Variants in RBCK1 observed in about 807,000 individuals in gnomAD.
RBCK1 encodes the protein RANBP2-type and C3HC4-type zinc finger containing 1, also known as ranBP-type and C3HC4-type zinc finger-containing protein 1.
A neutral mutation model predicts 71.1 loss-of-function variants in RBCK1; 44 were observed. The observed-to-expected ratio is 0.62, with a 90% CI of 0.49 to 0.80. The LOEUF (loss-of-function observed/expected upper bound fraction) is 0.80, where lower values mean the gene tolerates loss of function less well. Ranked by LOEUF, RBCK1 falls within the 30% of genes least tolerant of loss-of-function variation. The pLI is 0.00. For missense variants in RBCK1, 569 were observed against 685.0 expected (o/e 0.83, Z 1.89); for synonymous variants, 306 against 279.7 (o/e 1.09, Z -0.94).
intron 8 of RBCK1, 72 bp from the exon 9 acceptor site, chr20:427,241 G>A: frequency 6.8e-7 from 1 of 1,475,854 alleles, no homozygotes; most frequent in Non-Finnish European, 9.3e-7. Flanking sequence ...CTTTCTGGAG[G>A]GTATTTAGTG....
chr20:430,258 C>T lies in RBCK1; in HGVS notation c.1453-92C>T. On this transcript the variant is annotated intron_variant, in intron 11 of 11. Transcript: ENST00000356286. This position sits in a 1 kb window ranked among gnomAD's most constrained non-coding sequence, Gnocchi z 5.6. ...CAGGCCATTCTTGCAGGAGGACCTG[C>T]AGAGGCAAAGGCCCGGGGTGGGAGA... 3 of 1,161,510 alleles carry T rather than the reference C, an allele frequency of 2.6e-6. No individual in the cohort carries two copies. The highest frequency in any genetic ancestry group is 3.8e-6 in the Non-Finnish European group (3 of 789,524). 72.0% of individuals were successfully genotyped at this position (1,161,510 alleles called of 1,614,324 possible).
intron 6 of RBCK1, chr20:420,120 G>A (rs2016293338): frequency 1.0e-6 from 1 of 984,638 alleles, no homozygotes; most frequent in South Asian, 4.7e-5. Flanking sequence ...ACCCGTCTGT[G>A]ACCTAAGCCT....
Position 420,989 on chromosome 20 carries a change from G to T in RBCK1, c.875G>T (p.Gly292Val), listed in dbSNP as rs1409610178. 39 of 1,564,922 alleles carry T rather than the reference G, an allele frequency of 2.5e-5. No homozygotes were observed. Among genetic ancestry groups the T allele is most frequent in the Non-Finnish European group, 3.1e-5 (36 of 1,156,060 alleles). ...CPVCYSVLAPGEAVVLRECLH... is the reference protein window; with the variant it reads ...CPVCYSVLAPVEAVVLRECLH... ...GTGTGCTACTCGGTGCTGGCGCCCG[G>T]CGAGGCCGTGGTGCTGCGTGAGTGT... The change falls in exon 7 of 12, where the codon GGC (glycine) becomes GTC (valine). Residue 292 changes from glycine to valine, a missense_variant. Gly to Val is a moderately radical substitution (Grantham distance 109). Coordinates refer to ENST00000356286, the MANE Select transcript of RBCK1 (RefSeq NM_031229.4).
chr20:419,585 T>G lies in RBCK1; in HGVS notation c.610T>G (p.Phe204Val). The change falls in exon 6 of 12, where the codon TTC becomes GTC. Residue 204 changes from phenylalanine (F) to valine (V), a missense_variant. This residue lies in a region of RBCK1 where 358 missense variants were observed against 375.6 expected (regional missense o/e 0.95). Transcript: ENST00000356286. ...PVGWQCPGCT[F>V]INKPTRPGCE... ...GGGCTGGCAGTGCCCCGGGTGCACC[T>G]TCATCAACAAGCCCACGCGGCCTGG... 6.2e-7 allele frequency: 1 copy of G among 1,604,722 alleles called. No homozygotes were observed. Among genetic ancestry groups the G allele is most frequent in the Non-Finnish European group, 8.5e-7 (1 of 1,176,346 alleles).
chr20:426,774 AT>A (rs1446234457), intron 8 of RBCK1, among the ~76,000 whole-genome samples: 2 of 145,372 alleles, frequency 1.4e-5, no homozygotes, highest in African/African-American at 5.1e-5. Context: ...ACTTTTAGAA[AT>A]TCCCCCCACT....
In RBCK1 at chr20:419,864, ACCCTGCACCTGGCTGTG is replaced by A. The variant is rs1225600986; in HGVS notation, c.756+134_756+150del. 0.14 allele frequency: 56,271 copies of A among 411,086 alleles called. 1,409 individuals carry two copies. Among genetic ancestry groups the A allele is most frequent in the African/African-American group, 0.39 (7,552 of 19,270 alleles). 25.5% of individuals were successfully genotyped at this position (411,086 alleles called of 1,614,324 possible). On this transcript the variant is annotated intron_variant, in intron 6 of 11. Transcript: ENST00000356286. ...CCTCCCAACCATGCTGCTGGCAGTG[ACCCTGCACCTGGCTGTG>A]ACCCTGCACCTGGCTGTGACCTGCC...
At chr20:419,248 A>AG (rs2016212295) in intron 4 of RBCK1, 99 bp from the exon 5 acceptor site, 1 of 1,507,206 alleles carries the variant, frequency 6.6e-7, no homozygotes, top group South Asian at 1.2e-5. Flanking sequence ...GGGAGAGGAT[A>AG]GGGGGAGGGT....
At chr20:410,349 C>T in intron 2 of RBCK1, 2 of 753,446 alleles carry the variant, frequency 2.7e-6, no homozygotes, top group African/African-American at 1.7e-5. Context: ...TAGGGAGGTT[C>T]TGCTCCCGAC....
chr20:422,254 G>A lies in RBCK1; in HGVS notation c.1029+16G>A, dbSNP rs1485626270. The A allele has an allele frequency of 1.2e-6, 2 of 1,605,900 alleles. No homozygotes were observed. Among genetic ancestry groups the A allele is most frequent in the South Asian group, 1.1e-5 (1 of 90,924 alleles). On this transcript the variant is annotated intron_variant, in intron 8 of 11. Coordinates refer to ENST00000356286, the MANE Select transcript of RBCK1 (RefSeq NM_031229.4). The surrounding 1 kb of genome is among the most constrained non-coding windows in gnomAD (Gnocchi z 5.0). Reference sequence around the variant, plus strand: ...GATCAAGGCGGTAAGGCCTCAGGGTGGGAGACATACCCCAAGTCCCAACTC... The same window carrying A: ...GATCAAGGCGGTAAGGCCTCAGGGTAGGAGACATACCCCAAGTCCCAACTC...
intron 4 of RBCK1, among the ~76,000 whole-genome samples, chr20:418,612 C>T (rs1483262006): frequency 1.3e-5 from 2 of 152,200 alleles, no homozygotes; most frequent in African/African-American, 2.4e-5. Context: ...TTGTGATCCG[C>T]CCGCCTCGGC....
rs1420132052 is a variant in RBCK1 at position 417,806 on chromosome 20, G to C, written c.336G>C (p.Glu112Asp). 6.2e-7 allele frequency: 1 copy of C among 1,613,968 alleles called. No homozygotes were observed. Among genetic ancestry groups the C allele is most frequent in the African/African-American group, 1.3e-5 (1 of 74,940 alleles). Residue 112 changes from glutamate to aspartate, a missense_variant, in exon 4 of 12, where the codon GAG (glutamate) becomes GAC (aspartate). Glu to Asp is a conservative substitution (Grantham distance 45). Coordinates refer to ENST00000356286, the MANE Select transcript of RBCK1 (RefSeq NM_031229.4). The surrounding 1 kb of genome is among the most constrained non-coding windows in gnomAD (Gnocchi z 4.7). ...GGCAGCGGCTGGCACGAGACCAGGA[G>C]ACCCTGCACTCCCATGGGGTGCGGC... ...VIGQRLARDQ[E>D]TLHSHGVRQN...
At position 431,182 on chromosome 20, in the gene RBCK1, C is replaced by T. The variant is rs917881104; in HGVS notation, c.*752C>T. Among the ~76,000 whole-genome samples the T allele has an allele frequency of 6.6e-6, 1 of 152,170 alleles. No individual in the cohort carries two copies. The highest frequency in any genetic ancestry group is 2.4e-5 in the African/African-American group (1 of 41,440). On this transcript the variant is annotated 3_prime_UTR_variant, in exon 12 of 12. Coordinates refer to ENST00000356286, the MANE Select transcript of RBCK1 (RefSeq NM_031229.4). This position sits in a 1 kb window ranked among gnomAD's most constrained non-coding sequence, Gnocchi z 4.8. ...AAGGATGCTCTTGGGTCACCGTCAG[C>T]CAGGACAGGTGGAGTGTGCAGTGTG...
chr20:413,917 C>CAAA (rs10706664), intron 2 of RBCK1, among the ~76,000 whole-genome samples: 68 of 114,628 alleles, frequency 5.9e-4, no homozygotes, highest in African/African-American at 2.0e-3. Flanking sequence ...GACAAATCAC[C>CAAA]AAAAAAAAAA....
Position 427,447 on chromosome 20 carries a change from G to T in RBCK1, c.1164G>T (p.Glu388Asp). ...GCTTCTTTGAGGATGATGTCAATGAGTTCACCTGCCCTGTGTGTTTCCACG... is the reference window on the plus strand; with the variant it reads ...GCTTCTTTGAGGATGATGTCAATGATTTCACCTGCCCTGTGTGTTTCCACG... ...GWCFFEDDVN[E>D]FTCPVCFHVN... The change falls in exon 9 of 12, where the codon GAG (glutamate) becomes GAT (aspartate). Residue 388 changes from glutamate to aspartate, a missense_variant. Coordinates refer to ENST00000356286, the MANE Select transcript of RBCK1 (RefSeq NM_031229.4). The T allele has an allele frequency of 1.2e-6, 2 of 1,614,070 alleles. No individual in the cohort carries two copies. The highest frequency in any genetic ancestry group is 1.7e-6 in the Non-Finnish European group (2 of 1,180,024).
Position 432,041 on chromosome 20 carries a change from C to T in RBCK1, c.*1611C>T, listed in dbSNP as rs1234929468. Among the ~76,000 whole-genome samples, 1 of 152,188 alleles carries T rather than the reference C, an allele frequency of 6.6e-6. No homozygotes were observed. ...GGTACCACAGGCTGTAACCAGTCCA[C>T]CCAGTGTTGTTTTAGAAATTTAAAT... On this transcript the variant is annotated 3_prime_UTR_variant, in exon 12 of 12. Transcript: ENST00000356286. This position sits in a 1 kb window ranked among gnomAD's most constrained non-coding sequence, Gnocchi z 4.3.
At position 409,991 on chromosome 20, in the gene RBCK1, C is replaced by G; in HGVS notation, c.133C>G (p.Leu45Val). ...AEQRVPLSVQLKPEVSPTQDI... is the reference protein window; with the variant it reads ...AEQRVPLSVQVKPEVSPTQDI... The stretch of plus-strand genomic sequence containing the variant: ...GCAACGGGTGCCCCTGAGTGTGCAA[C>G]TGAAGCCTGAGGTCTCCCCAACGCA... Residue 45 changes from leucine (L) to valine (V), a missense_variant, in exon 2 of 12, where the codon CTG (leucine) becomes GTG (valine). Transcript: ENST00000356286. 9.9e-6 allele frequency: 16 copies of G among 1,614,176 alleles called. No individual in the cohort carries two copies. The highest frequency in any genetic ancestry group is 1.4e-5 in the Non-Finnish European group (16 of 1,180,020).
intron 6 of RBCK1, 169 bp downstream of exon 6, chr20:419,900 A>ACCTG: frequency 8.5e-7 from 1 of 1,178,860 alleles, no homozygotes; most frequent in African/African-American, 1.9e-5. Flanking sequence ...CCTGGCTGTG[A>ACCTG]CCTGCCCTCT....
chr20:413,547 T>G (rs1396571710), intron 2 of RBCK1, among the ~76,000 whole-genome samples: 2 of 152,220 alleles, frequency 1.3e-5, no homozygotes, highest in African/African-American at 4.8e-5. Flanking sequence ...CCAGTTGACT[T>G]CCACTTGATC....
chr20:412,238 A>C (rs1183786954), intron 2 of RBCK1, among the ~76,000 whole-genome samples: 1 of 152,232 alleles, frequency 6.6e-6, no homozygotes, highest in African/African-American at 2.4e-5. Context: ...ATTTGATGAC[A>C]AATGATGTTA....
Sources: gnomAD v4.1 joint callset for allele counts (sites outside exome capture counted in the v4.1 genomes callset) on GRCh38, gnomAD v4.1.1 for gene constraint, gnomAD v4.1.1 regional missense constraint, Gnocchi (gnomAD v3.1) non-coding constraint, MANE v1.5 for transcripts, NCBI Gene and HGNC (gene_info 2026-07-23, HGNC 2026-07-21) for gene names.